ESR1: variants seen among roughly 807,000 people sequenced by gnomAD.
The protein encoded by ESR1 is estrogen receptor 1.
ESR1 carries 12 observed loss-of-function variants against 52.7 expected under a neutral mutation model. The observed-to-expected ratio is 0.23, with a 90% CI of 0.15 to 0.37. ESR1 has a LOEUF of 0.37. Among genes scored for constraint, ESR1 ranks in the 10% least tolerant of loss-of-function variants. The pLI, the probability that ESR1 is intolerant of heterozygous loss-of-function variation, is 1.00. For missense variants in ESR1, 584 were observed against 779.7 expected (o/e 0.75, Z 2.99); for synonymous variants, 305 against 316.8 (o/e 0.96, Z 0.39).
intron 1 of ESR1, among the ~76,000 whole-genome samples, chr6:151,692,933 C>T (rs758010540): frequency 1.3e-5 from 2 of 152,234 alleles, no homozygotes; most frequent in African/African-American, 4.8e-5. Context: ...AGGTTTTCCA[C>T]AGCAGATCAC....
At chr6:151,725,246 T>A (rs930711081) in intron 2 of ESR1, among the ~76,000 whole-genome samples, 1 of 152,188 alleles carries the variant, frequency 6.6e-6, no homozygotes, top group African/African-American at 2.4e-5. Flanking sequence ...ATACTTTTAG[T>A]GATATTTGTT....
chr6:151,753,678 GC>G (rs1282611329), intron 2 of ESR1, among the ~76,000 whole-genome samples: 2 of 152,184 alleles, frequency 1.3e-5, no homozygotes, highest in African/African-American at 4.8e-5. Flanking sequence ...CACAGATATT[GC>G]CGTAGTGTTT....
intron 2 of ESR1, among the ~76,000 whole-genome samples, chr6:151,857,560 G>A (rs946136624): frequency 6.6e-6 from 1 of 151,088 alleles, no homozygotes; most frequent in African/African-American, 2.4e-5. Flanking sequence ...ACCAAGTCTC[G>A]CTCTGTCGCC....
chr6:151,747,597 A>G (rs1314431194), intron 2 of ESR1, among the ~76,000 whole-genome samples: 1 of 152,224 alleles, frequency 6.6e-6, no homozygotes, highest in East Asian at 1.9e-4. Context: ...ATAAAAATAT[A>G]AAATCCACCC....
intron 1 of ESR1, among the ~76,000 whole-genome samples, chr6:151,815,700 C>T (rs1311329910): frequency 2.0e-5 from 3 of 152,212 alleles, no homozygotes; most frequent in African/African-American, 7.2e-5. Flanking sequence ...CGCTGACTTA[C>T]TGACGTTTAT....
intron 2 of ESR1, among the ~76,000 whole-genome samples, chr6:151,768,688 T>C (rs1340460512): frequency 6.6e-6 from 1 of 152,200 alleles, no homozygotes; most frequent in Non-Finnish European, 1.5e-5. Flanking sequence ...AGTTCATAGA[T>C]AGATAGATGA....
chr6:152,094,291 C>A lies in ESR1; in HGVS notation c.1370-94C>A. ...GCTAGACTACTGTGCTGAGGAAGGG[C>A]ACTGGCTCATTGTTACATCCCATGA... On this transcript the variant is annotated intron_variant, in intron 6 of 7. Transcript: ENST00000206249. The surrounding 1 kb of genome is among the most constrained non-coding windows in gnomAD (Gnocchi z 4.6). The A allele has an allele frequency of 9.7e-7, 1 of 1,033,128 alleles. No homozygotes were observed. The highest frequency in any genetic ancestry group is 1.5e-6 in the Non-Finnish European group (1 of 651,874). The allele number at this position is 1,033,128 out of a possible 1,614,324, so 64.0% of individuals were successfully genotyped here. A position where few individuals can be genotyped will look rare whatever the true frequency, so the allele number is the denominator to read the frequency against.
chr6:152,104,600 G>C (rs2051040027), downstream of ESR1, among the ~76,000 whole-genome samples: 1 of 152,042 alleles, frequency 6.6e-6, no homozygotes, highest in Non-Finnish European at 1.5e-5. Context: ...TGATATTATG[G>C]TACAATAAGA....
At chr6:151,821,245 AG>A (rs1401515505) in intron 1 of ESR1, among the ~76,000 whole-genome samples, 1 of 152,062 alleles carries the variant, frequency 6.6e-6, no homozygotes, top group Non-Finnish European at 1.5e-5. Flanking sequence ...CAGCATTTAT[AG>A]TAGAAGCTCA....
intron 5 of ESR1, among the ~76,000 whole-genome samples, chr6:152,041,541 A>G (rs911231699): frequency 1.3e-5 from 2 of 152,364 alleles, no homozygotes; most frequent in Admixed American, 6.5e-5. Context: ...TAGAAGTTTT[A>G]CTGAGGTAGA....
intron 2 of ESR1, among the ~76,000 whole-genome samples, chr6:151,848,459 A>C (rs1290343441): frequency 7.5e-6 from 1 of 133,368 alleles, no homozygotes. Flanking sequence ...GCACATGTAC[A>C]CTAAAACTTA....
chr6:151,943,353 C>T (rs1361442630), intron 3 of ESR1, among the ~76,000 whole-genome samples: 1 of 150,942 alleles, frequency 6.6e-6, no homozygotes, highest in Non-Finnish European at 1.5e-5. Flanking sequence ...GCACTCCAGC[C>T]TGGGTGACAC....
chr6:151,819,445 G>T (rs150976080), intron 1 of ESR1, among the ~76,000 whole-genome samples: 1 of 152,318 alleles, frequency 6.6e-6, no homozygotes, highest in African/African-American at 2.4e-5. Flanking sequence ...ATTTACAGCT[G>T]CTCCCCATCG....
intron 2 of ESR1, among the ~76,000 whole-genome samples, chr6:151,796,021 C>T (rs2128136812): frequency 6.6e-6 from 1 of 151,562 alleles, no homozygotes; most frequent in South Asian, 2.1e-4. Flanking sequence ...ACACAATTAG[C>T]CGGGCATGGT....
At chr6:151,797,908 C>T (rs1776863003) in intron 2 of ESR1, among the ~76,000 whole-genome samples, 1 of 152,136 alleles carries the variant, frequency 6.6e-6, no homozygotes, top group Non-Finnish European at 1.5e-5. Flanking sequence ...ATATAATTTC[C>T]ATTTTTAAAA....
intron 1 of ESR1, among the ~76,000 whole-genome samples, chr6:151,677,972 A>AAAAAAAAAGTTAAAC (rs58791714): frequency 6.6e-6 from 1 of 151,962 alleles, no homozygotes; most frequent in Non-Finnish European, 1.5e-5. Context: ...AAAAATTAAT[A>AAAAAAAAAGTTAAAC]AAACGTAATG....
At chr6:151,823,133 A>C (rs915875237) in intron 1 of ESR1, among the ~76,000 whole-genome samples, 1 of 152,224 alleles carries the variant, frequency 6.6e-6, no homozygotes, top group Admixed American at 6.5e-5. Flanking sequence ...GTTTATCTGA[A>C]ATTCAAATTT....
chr6:151,723,798 A>G (rs1781635791), intron 2 of ESR1, among the ~76,000 whole-genome samples: 1 of 152,064 alleles, frequency 6.6e-6, no homozygotes, highest in Admixed American at 6.5e-5. Context: ...TGAACCCGGG[A>G]GGCCGAGGTT....
At chr6:151,899,278 G>C (rs1331396769) in intron 3 of ESR1, among the ~76,000 whole-genome samples, 30 of 133,360 alleles carry the variant, frequency 2.2e-4, no homozygotes, top group African/African-American at 7.9e-4. Context: ...CCTCCCGGAC[G>C]GGGCGGCTGG....
Sources: gnomAD v4.1 joint callset for allele counts (sites outside exome capture counted in the v4.1 genomes callset) on GRCh38, gnomAD v4.1.1 for gene constraint, Gnocchi (gnomAD v3.1) non-coding constraint, MANE v1.5 for transcripts, NCBI Gene and HGNC (gene_info 2026-07-23, HGNC 2026-07-21) for gene names.